PRRC2A: variants seen among roughly 807,000 people sequenced by gnomAD.
PRRC2A encodes proline rich coiled-coil 2A, also known as protein PRRC2A.
Under a neutral mutation model 224.6 loss-of-function variants are expected in PRRC2A, and 59 were observed. That is an observed-to-expected ratio of 0.26 (90% CI 0.21 to 0.33). The LOEUF is 0.33. Ranked by LOEUF, PRRC2A falls within the 10% of genes least tolerant of loss-of-function variation. PRRC2A has a pLI of 1.00. For missense variants in PRRC2A, 3,095 were observed against 2,880.7 expected, an observed-to-expected ratio of 1.07 and a Z score of -1.70; for synonymous variants, 1,194 against 1,109.5, an observed-to-expected ratio of 1.08 and a Z score of -1.51.
In PRRC2A at chr6:31,632,750, T is replaced by TGGAGCC. The variant is rs1485107587; in HGVS notation, c.4079_4084dup (p.Gly1360_Ala1361dup). On this transcript the variant is annotated inframe_insertion, in exon 16 of 31. Coordinates refer to ENST00000376033, the MANE Select transcript of PRRC2A (RefSeq NM_004638.4). ...TGGGAACTCCTGGGGGAGGTGGAGG[T>TGGAGCC]GGAGCCGTACCAGGTATTTCAGCCA... 4 of 1,612,768 alleles carry TGGAGCC rather than the reference T, an allele frequency of 2.5e-6. No individual in the cohort carries two copies. Among genetic ancestry groups the TGGAGCC allele is most frequent in the Non-Finnish European group, 3.4e-6 (4 of 1,179,954 alleles).
At position 31,625,293 on chromosome 6, in the gene PRRC2A, G is replaced by A; in HGVS notation, c.586G>A (p.Gly196Arg). The A allele has an allele frequency of 1.2e-6, 2 of 1,613,622 alleles. No homozygotes were observed. The highest frequency in any genetic ancestry group is 1.7e-6 in the Non-Finnish European group (2 of 1,180,034). The change falls in exon 6 of 31, where the codon GGA (glycine) becomes AGA (arginine). Residue 196 changes from glycine (G) to arginine (R), a missense_variant. Gly to Arg is a moderately radical substitution (Grantham distance 125). Transcript: ENST00000376033. This position sits in a 1 kb window ranked among gnomAD's most constrained non-coding sequence, Gnocchi z 4.1. ...RESAEQSSGPGPSLRPQNSTT... is the reference protein window; with the variant it reads ...RESAEQSSGPRPSLRPQNSTT... ...GTCTGCCGAACAGTCGTCTGGGCCC[G>A]GACCAAGCCTCCGCCCCCAAAGTGA...
intron 1 of PRRC2A, among the ~76,000 whole-genome samples, chr6:31,622,246 C>T (rs550660589): frequency 6.6e-6 from 1 of 152,198 alleles, no homozygotes; most frequent in Non-Finnish European, 1.5e-5. Flanking sequence ...GCCTGGGGTA[C>T]AGGGCCCTGG....
intron 1 of PRRC2A, among the ~76,000 whole-genome samples, chr6:31,621,623 C>T (rs1029938622): frequency 2.6e-5 from 4 of 152,142 alleles, no homozygotes; most frequent in African/African-American, 7.2e-5. Context: ...CACAGATTGG[C>T]CTCCTCAAAC....
chr6:31,635,785 GAAT>G (rs754066619), intron 24 of PRRC2A, 36 bp downstream of exon 24: 2 of 1,544,792 alleles, frequency 1.3e-6, no homozygotes, highest in East Asian at 2.3e-5. Flanking sequence ...CCCCTTCAGT[GAAT>G]AATAATTTTT....
At position 31,632,238 on chromosome 6, in the gene PRRC2A, G is replaced by T. The variant is rs752310113; in HGVS notation, c.3565G>T (p.Ala1189Ser). 4 of 1,612,902 alleles carry T rather than the reference G, an allele frequency of 2.5e-6. No homozygotes were observed. The South Asian group carries it at 4.4e-5, about 18-fold the overall frequency. ...AGTTTGCCCAGGCTGGAGCCCTCCAGCCAAGTCTCTGGCTCCCAAGAAACC... is the reference window on the plus strand; with the variant it reads ...AGTTTGCCCAGGCTGGAGCCCTCCATCCAAGTCTCTGGCTCCCAAGAAACC... ...PQVCPGWSPP[A>S]KSLAPKKPPT... is the part of the protein sequence containing the mutation. The change falls in exon 16 of 31, where the codon GCC becomes TCC. Residue 1189 changes from alanine to serine, a missense_variant. Coordinates refer to ENST00000376033, the MANE Select transcript of PRRC2A (RefSeq NM_004638.4).
Position 31,635,693 on chromosome 6 carries a change from G to C in PRRC2A, c.5485G>C (p.Gly1829Arg). ...CTGTGTCCCGGAGCCCAGCTCCTCA[G>C]GCCAGCGCCTGTATCCTGAGGTTTT... ...GHCVPEPSSS[G>R]QRLYPEVFYG... The change falls in exon 24 of 31, where the codon GGC becomes CGC. Residue 1829 changes from glycine (G) to arginine (R), a missense_variant. This residue lies in a region of PRRC2A where 662 missense variants were observed against 609.5 expected (regional missense o/e 1.09). Coordinates refer to ENST00000376033, the MANE Select transcript of PRRC2A (RefSeq NM_004638.4). 6.2e-7 allele frequency: 1 copy of C among 1,612,374 alleles called. No individual in the cohort carries two copies. The highest frequency in any genetic ancestry group is 8.5e-7 in the Non-Finnish European group (1 of 1,179,652).
Position 31,633,612 on chromosome 6 carries a change from A to T in PRRC2A, c.4553A>T (p.Tyr1518Phe), listed in dbSNP as rs376069318. 62 of 1,612,664 alleles carry T rather than the reference A, an allele frequency of 3.8e-5. No homozygotes were observed. The East Asian group carries it at 9.1e-4, about 24-fold the overall frequency. ...QGPSPRPPTR[Y>F]EPQRVNSGLS... Reference sequence around the variant, plus strand: ...CCCTCTCCTAGGCCCCCAACCCGATACGAGCCCCAGAGGGTCAACAGCGGC... The same window carrying T: ...CCCTCTCCTAGGCCCCCAACCCGATTCGAGCCCCAGAGGGTCAACAGCGGC... Residue 1518 changes from tyrosine (Y) to phenylalanine (F), a missense_variant, in exon 17 of 31, where the codon TAC becomes TTC. By Grantham distance (22) the Tyr-to-Phe change is conservative. Around this residue, in one of 8 missense-constraint regions of PRRC2A, gnomAD observed 2,001 missense variants for 1,764.9 expected, o/e 1.13. Transcript: ENST00000376033.
chr6:31,628,628 G>A (rs1776183485), intron 12 of PRRC2A: 1 of 262,004 alleles, frequency 3.8e-6, no homozygotes, highest in Non-Finnish European at 7.2e-6. Flanking sequence ...CAGAACATGA[G>A]GTCAGGAGTT....
Position 31,629,348 on chromosome 6 carries a change from GTTTACCCTC to G in PRRC2A, c.1956+16_1956+24del, listed in dbSNP as rs1288742842. ...CGGCAGCAGCAGGTGAAATCAAGTT[GTTTACCCTC>G]TAAGGGCTGCTTTTCTTCCTGGCTT... On this transcript the variant is annotated intron_variant, in intron 13 of 30. Transcript: ENST00000376033. 6.5e-7 allele frequency: 1 copy of G among 1,550,208 alleles called. No individual in the cohort carries two copies. Among genetic ancestry groups the G allele is most frequent in the Admixed American group, 2.0e-5 (1 of 50,226 alleles).
intron 21 of PRRC2A, 65 bp downstream of exon 21, chr6:31,635,042 T>G: frequency 1.3e-6 from 2 of 1,598,878 alleles, no homozygotes; most frequent in Non-Finnish European, 1.7e-6. Context: ...TACCTTTTTC[T>G]GCTTTTTCTC....
chr6:31,631,211 C>A lies in PRRC2A; in HGVS notation c.2538C>A (p.Ala846=). The A allele has an allele frequency of 1.2e-6, 2 of 1,604,298 alleles. No homozygotes were observed. Among genetic ancestry groups the A allele is most frequent in the Non-Finnish European group, 1.7e-6 (2 of 1,176,042 alleles). ...ASYPGFPENG[A]PGPPISRFPL... ...ATCCAGGCTTTCCTGAGAATGGAGC[C>A]CCTGGGCCCCCAATCTCTCGCTTTC... Residue 846 remains alanine, a synonymous_variant, in exon 16 of 31, where the codon GCC becomes GCA. Transcript: ENST00000376033. This position sits in a 1 kb window ranked among gnomAD's most constrained non-coding sequence, Gnocchi z 4.5.
intron 14 of PRRC2A, among the ~76,000 whole-genome samples, chr6:31,630,083 G>A (rs1010338569): frequency 1.3e-5 from 2 of 152,174 alleles, no homozygotes; most frequent in African/African-American, 4.8e-5. Flanking sequence ...TAGGGAGGCC[G>A]AGGTGGGCAG....
chr6:31,621,037 T>C (rs1038526384), intron 1 of PRRC2A, among the ~76,000 whole-genome samples, 179 bp downstream of exon 1: 1 of 152,130 alleles, frequency 6.6e-6, no homozygotes, highest in African/African-American at 2.4e-5. Context: ...GTACCTCTAC[T>C]CCGGGACCCG....
chr6:31,634,050 TTA>T, intron 18 of PRRC2A, 61 bp downstream of exon 18: 1 of 1,584,988 alleles, frequency 6.3e-7, no homozygotes, highest in South Asian at 1.2e-5. Context: ...TTCTTCTGGG[TTA>T]TGTTTTCTCT....
chr6:31,624,172 G>T (rs1275545895), intron 3 of PRRC2A, 89 bp from the exon 4 acceptor site: 2 of 1,297,558 alleles, frequency 1.5e-6, no homozygotes, highest in South Asian at 2.5e-5. Context: ...TGGTAGCAAT[G>T]GGCATGATTT....
chr6:31,629,721 G>A lies in PRRC2A; in HGVS notation c.2130G>A (p.Arg710=). ...PKALYPGALG[R]PPPMPPMNFD... ...CCCTGTACCCAGGTGCTCTGGGCCG[G>A]CCCCCACCCATGCCCCCAATGAACT... The change falls in exon 14 of 31, where the codon CGG becomes CGA. Residue 710 remains arginine (R), a synonymous_variant. Coordinates refer to ENST00000376033, the MANE Select transcript of PRRC2A (RefSeq NM_004638.4). The A allele has an allele frequency of 6.2e-7, 1 of 1,603,864 alleles. No homozygotes were observed. Among genetic ancestry groups the A allele is most frequent in the Non-Finnish European group, 8.5e-7 (1 of 1,172,906 alleles).
At chr6:31,621,958 C>T (rs2736173) in intron 1 of PRRC2A, among the ~76,000 whole-genome samples, 2,552 of 152,284 alleles carry the variant, frequency 0.017, 40 homozygotes, top group Non-Finnish European at 0.023. Context: ...TAAGGTGGCT[C>T]CATAATGCTT....
Position 31,627,699 on chromosome 6 carries a change from T to TA in PRRC2A, c.1291-62dup. ...GCAAGTAGCGACAGTTGATTTGTTGTAAAAGAGATGATAGAAAGCATAGTA... is the reference window on the plus strand; with the variant it reads ...GCAAGTAGCGACAGTTGATTTGTTGTAAAAAGAGATGATAGAAAGCATAGTA... On this transcript the variant is annotated intron_variant, in intron 11 of 30. Coordinates refer to ENST00000376033, the MANE Select transcript of PRRC2A (RefSeq NM_004638.4). This position sits in a 1 kb window ranked among gnomAD's most constrained non-coding sequence, Gnocchi z 5.6. 6.4e-7 allele frequency: 1 copy of TA among 1,563,122 alleles called. No individual in the cohort carries two copies. Among genetic ancestry groups the TA allele is most frequent in the Non-Finnish European group, 8.7e-7 (1 of 1,152,870 alleles).
chr6:31,634,415 G>A (rs758707584), intron 19 of PRRC2A, 50 bp downstream of exon 19: 30 of 1,611,852 alleles, frequency 1.9e-5, no homozygotes, highest in Admixed American at 1.3e-4. Flanking sequence ...AAGAATGAGA[G>A]GGGCTTCTGA....
Sources: gnomAD v4.1 joint callset for allele counts (sites outside exome capture counted in the v4.1 genomes callset) on GRCh38, gnomAD v4.1.1 for gene constraint, gnomAD v4.1.1 regional missense constraint, Gnocchi (gnomAD v3.1) non-coding constraint, MANE v1.5 for transcripts, NCBI Gene and HGNC (gene_info 2026-07-23, HGNC 2026-07-21) for gene names.